Variants in LINGO2 observed in about 807,000 individuals in gnomAD.
LINGO2 encodes leucine rich repeat and Ig domain containing 2.
In LINGO2, 14 loss-of-function variants were observed where a neutral mutation model predicts 30.6. The ratio of observed to expected loss-of-function variants is 0.46; its 90% CI spans 0.30 to 0.72. The LOEUF is 0.72. Ranked by LOEUF, LINGO2 falls within the 30% of genes least tolerant of loss-of-function variation. LINGO2 has a pLI of 0.07. For synonymous variants in LINGO2, 317 were observed against 288.5 expected (o/e 1.10, Z -1.00); for missense variants, 729 against 751.7 (o/e 0.97, Z 0.35).
chr9:29,107,195 A>T, the LINGO2 span, among the ~76,000 whole-genome samples: 1 of 152,156 alleles, frequency 6.6e-6, no homozygotes, highest in East Asian at 1.9e-4. Flanking sequence ...TGCTCTGGCA[A>T]GGAAAATTTA....
intron 4 of LINGO2, among the ~76,000 whole-genome samples, chr9:28,120,855 G>A (rs1173713457): frequency 6.6e-6 from 1 of 152,116 alleles, no homozygotes; most frequent in East Asian, 1.9e-4. Context: ...TTGTGGTATT[G>A]CTTAATAGTT....
the LINGO2 span, among the ~76,000 whole-genome samples, chr9:29,065,506 A>C: frequency 6.6e-6 from 1 of 152,080 alleles, no homozygotes; most frequent in African/African-American, 2.4e-5. Context: ...TTCTCTCAGC[A>C]CCATTTATTG....
chr9:29,023,711 T>G, the LINGO2 span, among the ~76,000 whole-genome samples: 1 of 152,080 alleles, frequency 6.6e-6, no homozygotes, highest in Admixed American at 6.6e-5. Context: ...TGGCTTAAGT[T>G]AGTCTAAACT....
the LINGO2 span, among the ~76,000 whole-genome samples, chr9:29,104,155 C>A: frequency 6.6e-6 from 1 of 152,232 alleles, no homozygotes; most frequent in East Asian, 1.9e-4. Context: ...AAATAACATA[C>A]ACTGGGTGAA....
At chr9:28,205,847 A>C (rs1334272615) in intron 4 of LINGO2, among the ~76,000 whole-genome samples, 3 of 152,174 alleles carry the variant, frequency 2.0e-5, no homozygotes, top group East Asian at 3.9e-4. Context: ...CTAAAGTGTC[A>C]GCTTCCCAGG....
intron 4 of LINGO2, among the ~76,000 whole-genome samples, chr9:28,193,875 C>T (rs1478930257): frequency 6.6e-6 from 1 of 152,198 alleles, no homozygotes; most frequent in Non-Finnish European, 1.5e-5. Context: ...TAGAGTCTCT[C>T]TAGGCTAGTT....
At chr9:29,036,903 A>G in the LINGO2 span, among the ~76,000 whole-genome samples, 4 of 151,976 alleles carry the variant, frequency 2.6e-5, no homozygotes, top group African/African-American at 9.7e-5. Context: ...TGTACTTCCA[A>G]TGAAATTTAT....
the LINGO2 span, among the ~76,000 whole-genome samples, chr9:28,704,408 G>A: frequency 5.2e-4 from 76 of 146,988 alleles, no homozygotes; most frequent in Non-Finnish European, 7.8e-4. Context: ...TTTTTTTTTC[G>A]CATTTATCCT....
chr9:28,506,849 G>A (rs919689929), intron 1 of LINGO2, among the ~76,000 whole-genome samples: 3 of 151,562 alleles, frequency 2.0e-5, no homozygotes, highest in Non-Finnish European at 4.4e-5. Context: ...TATTCCCCCT[G>A]GGAAAACAAA....
chr9:28,721,930 T>C, the LINGO2 span, among the ~76,000 whole-genome samples: 2 of 152,108 alleles, frequency 1.3e-5, no homozygotes, highest in Non-Finnish European at 2.9e-5. Context: ...AACATTTCAA[T>C]ATACATAACT....
At chr9:28,434,358 A>G (rs952911633) in intron 2 of LINGO2, among the ~76,000 whole-genome samples, 12 of 151,500 alleles carry the variant, frequency 7.9e-5, no homozygotes, top group African/African-American at 2.7e-4. Context: ...GGAAAAAAAA[A>G]AAAGAGAGAA....
chr9:28,242,239 G>A (rs1051836512), intron 4 of LINGO2, among the ~76,000 whole-genome samples: 2 of 152,132 alleles, frequency 1.3e-5, no homozygotes, highest in African/African-American at 2.4e-5. Flanking sequence ...AAATGTTAGA[G>A]GAGGTGGTAA....
intron 4 of LINGO2, among the ~76,000 whole-genome samples, chr9:28,185,310 T>C (rs755872506): frequency 1.6e-4 from 25 of 152,194 alleles, no homozygotes; most frequent in Admixed American, 4.6e-4. Flanking sequence ...TAAAGTGTCC[T>C]TATGTTACTT....
At chr9:28,542,751 T>C (rs1259665521) in intron 1 of LINGO2, among the ~76,000 whole-genome samples, 1 of 152,092 alleles carries the variant, frequency 6.6e-6, no homozygotes, top group Non-Finnish European at 1.5e-5. Flanking sequence ...GTGATTTCCA[T>C]GGATCGTGAT....
At chr9:28,845,630 G>C in the LINGO2 span, among the ~76,000 whole-genome samples, 1 of 151,514 alleles carries the variant, frequency 6.6e-6, no homozygotes, top group African/African-American at 2.4e-5. Flanking sequence ...AAATTAACAG[G>C]CCTTTCTTAG....
intron 4 of LINGO2, among the ~76,000 whole-genome samples, chr9:28,187,509 A>G (rs1356230068): frequency 2.0e-5 from 3 of 149,602 alleles, no homozygotes; most frequent in African/African-American, 4.9e-5. Flanking sequence ...AAAAAAAAAG[A>G]CAGAGGATTC....
chr9:28,908,308 CT>C, the LINGO2 span, among the ~76,000 whole-genome samples: 23,371 of 151,720 alleles, frequency 0.15, 1,857 homozygotes, highest in South Asian at 0.2. Context: ...CTGGTGACCT[CT>C]TTCACATTCT....
At chr9:28,282,297 G>C (rs1292956926) in intron 4 of LINGO2, among the ~76,000 whole-genome samples, 1 of 152,094 alleles carries the variant, frequency 6.6e-6, no homozygotes, top group Non-Finnish European at 1.5e-5. Flanking sequence ...ACAATGATAA[G>C]TGAGGGTGAG....
At chr9:28,398,594 T>C (rs564472068) in intron 2 of LINGO2, among the ~76,000 whole-genome samples, 24 of 151,960 alleles carry the variant, frequency 1.6e-4, no homozygotes, top group Non-Finnish European at 2.5e-4. Context: ...GAATATGCAG[T>C]TGGGGCCAAC....
Sources: gnomAD v4.1 joint callset for allele counts (sites outside exome capture counted in the v4.1 genomes callset) on GRCh38, gnomAD v4.1.1 for gene constraint, MANE v1.5 for transcripts, NCBI Gene and HGNC (gene_info 2026-07-23, HGNC 2026-07-21) for gene names.